The following NCKAP5 variants were observed in gnomAD, a reference collection of about 807,000 sequenced individuals.
NCKAP5 encodes the protein NCK associated protein 5.
NCKAP5 carries 92 observed loss-of-function variants against 167.0 expected under a neutral mutation model. That is an observed-to-expected ratio of 0.55 (90% CI 0.47 to 0.66). NCKAP5 has a LOEUF of 0.66. Among genes scored for constraint, NCKAP5 ranks in the 30% least tolerant of loss-of-function variants. The probability of loss-of-function intolerance (pLI) is 0.00; values close to 1 mark genes in which losing one functional copy is unlikely to be tolerated. For missense variants in NCKAP5, 2,378 were observed against 2,315.0 expected (o/e 1.03, Z -0.56); for synonymous variants, 891 against 877.4 (o/e 1.02, Z -0.27).
intron 8 of NCKAP5, among the ~76,000 whole-genome samples, chr2:132,881,558 T>C (rs1435712994): frequency 2.0e-5 from 3 of 149,532 alleles, no homozygotes; most frequent in Non-Finnish European, 4.5e-5. Context: ...ACCTTTCTTT[T>C]TTTTTTTTTT....
chr2:133,411,273 G>A lies in NCKAP5; in HGVS notation c.69+106185C>T, dbSNP rs146696991. On this transcript the variant is annotated intron_variant, in intron 3 of 19. Coordinates refer to ENST00000409261, the MANE Select transcript of NCKAP5 (RefSeq NM_207363.3). ...CATGTCCTCTTCTGCAGAGAGTCAT[G>A]TGTATGGGTGTGGGACAGAGAAACA... Among the ~76,000 whole-genome samples the A allele has an allele frequency of 4.8e-3, 727 of 152,336 alleles. 4 individuals are homozygous for A. Among genetic ancestry groups the A allele is most frequent in the Middle Eastern group, 0.017 (5 of 294 alleles).
Position 132,994,103 on chromosome 2 carries a change from GA to G in NCKAP5, c.429+48del, listed in dbSNP as rs538636211. On this transcript the variant is annotated intron_variant, in intron 7 of 19. Transcript: ENST00000409261. ...AGAGGACAAACCTAGAGAAATACAA[GA>G]AAAACAAGCAGACCAGTACCCAGCC... 3.1e-4 allele frequency: 422 copies of G among 1,356,972 alleles called. 5 individuals are homozygous for G. In the African/African-American group the frequency reaches 4.8e-3, roughly 15 times the overall value. 84.1% of individuals were successfully genotyped at this position (1,356,972 alleles called of 1,614,324 possible).
chr2:133,627,126 A>T, the NCKAP5 span, among the ~76,000 whole-genome samples: 4 of 152,092 alleles, frequency 2.6e-5, no homozygotes, highest in African/African-American at 9.6e-5. Context: ...ATGTATCTTT[A>T]AAAACAAAAA....
chr2:132,922,355 A>G (rs1447099392), intron 8 of NCKAP5, among the ~76,000 whole-genome samples: 12 of 152,222 alleles, frequency 7.9e-5, no homozygotes. Flanking sequence ...AGAAAAGTTA[A>G]GAGCCAGGCT....
At chr2:133,238,680 T>A (rs59599317) in intron 4 of NCKAP5, among the ~76,000 whole-genome samples, 3,985 of 152,328 alleles carry the variant, frequency 0.026, 161 homozygotes, top group African/African-American at 0.086. Flanking sequence ...TATTTATAAA[T>A]GAAAGGGCTC....
chr2:133,177,183 T>TATATATATATATATATAC (rs3051216), intron 5 of NCKAP5, among the ~76,000 whole-genome samples: 43 of 142,676 alleles, frequency 3.0e-4, no homozygotes, highest in Middle Eastern at 3.5e-3. Context: ...TATATATATA[T>TATATATATATATATATAC]ATATACTCAA....
chr2:132,962,119 C>T (rs1358335042), intron 8 of NCKAP5, among the ~76,000 whole-genome samples: 3 of 152,152 alleles, frequency 2.0e-5, no homozygotes, highest in Non-Finnish European at 2.9e-5. Flanking sequence ...TACCTGTCTG[C>T]CTTCGGTCAC....
chr2:133,593,512 C>G, the NCKAP5 span, among the ~76,000 whole-genome samples: 1 of 152,016 alleles, frequency 6.6e-6, no homozygotes, highest in African/African-American at 2.4e-5. Context: ...AAAATGAATA[C>G]TTAAAATTTT....
At position 133,464,517 on chromosome 2, in the gene NCKAP5, GTC is replaced by G. The variant is rs536948534; in HGVS notation, c.69+52939_69+52940del. Among the ~76,000 whole-genome samples the G allele has an allele frequency of 5.9e-4, 90 of 152,218 alleles. No individual in the cohort carries two copies. In the East Asian group the frequency reaches 9.5e-3, roughly 16 times the overall value. ...ATCCCGGCTAACACGGTGAAACCCA[GTC>G]TCTACTAAAAATACAAAAAAATTAG... On this transcript the variant is annotated intron_variant, in intron 3 of 19. Coordinates refer to ENST00000409261, the MANE Select transcript of NCKAP5 (RefSeq NM_207363.3).
chr2:133,132,224 T>C (rs1438865053), intron 5 of NCKAP5, among the ~76,000 whole-genome samples: 8 of 148,856 alleles, frequency 5.4e-5, no homozygotes, highest in South Asian at 2.2e-4. Context: ...GAGGCGGAGG[T>C]TGCAGTGAGC....
At chr2:132,760,444 G>C (rs1339798280) in intron 16 of NCKAP5, among the ~76,000 whole-genome samples, 1 of 152,048 alleles carries the variant, frequency 6.6e-6, no homozygotes, top group Non-Finnish European at 1.5e-5. Flanking sequence ...ATGTTTTCTG[G>C]TTTTCATTGT....
intron 6 of NCKAP5, among the ~76,000 whole-genome samples, chr2:133,094,140 T>C (rs949521733): frequency 5.9e-5 from 9 of 152,206 alleles, no homozygotes; most frequent in Admixed American, 6.5e-5. Flanking sequence ...TGTGTGGCTC[T>C]AAAGGCACCA....
At chr2:133,593,173 C>A in the NCKAP5 span, among the ~76,000 whole-genome samples, 1 of 152,180 alleles carries the variant, frequency 6.6e-6, no homozygotes, top group Non-Finnish European at 1.5e-5. Flanking sequence ...AGAACTACTT[C>A]TTTAAAATTT....
At chr2:133,496,734 T>C (rs1681982712) in intron 3 of NCKAP5, among the ~76,000 whole-genome samples, 1 of 152,312 alleles carries the variant, frequency 6.6e-6, no homozygotes, top group African/African-American at 2.4e-5. Context: ...GATGTATTTA[T>C]ATGCTCAAGC....
At chr2:133,171,135 G>C (rs779344542) in intron 5 of NCKAP5, among the ~76,000 whole-genome samples, 3 of 152,184 alleles carry the variant, frequency 2.0e-5, no homozygotes, top group East Asian at 1.9e-4. Flanking sequence ...GGAGCATTTT[G>C]AGGCAGGGTG....
chr2:133,290,748 TTG>T (rs1553609420), intron 4 of NCKAP5, among the ~76,000 whole-genome samples: 268 of 100,474 alleles, frequency 2.7e-3, no homozygotes, highest in African/African-American at 8.9e-3. Context: ...TTTTTTTTTT[TTG>T]TTGTTGTTGT....
intron 3 of NCKAP5, among the ~76,000 whole-genome samples, chr2:133,451,802 G>T (rs1313634020): frequency 6.6e-6 from 1 of 152,160 alleles, no homozygotes; most frequent in African/African-American, 2.4e-5. Context: ...CATCTATATG[G>T]CTTGCAAATG....
the NCKAP5 span, among the ~76,000 whole-genome samples, chr2:133,663,737 GCT>G: frequency 2.6e-5 from 4 of 152,080 alleles, no homozygotes; most frequent in Non-Finnish European, 5.9e-5. Flanking sequence ...CAGTTCTCTT[GCT>G]CTTTCTACCA....
chr2:132,995,984 A>AT (rs1214410002), intron 6 of NCKAP5, among the ~76,000 whole-genome samples: 1 of 152,048 alleles, frequency 6.6e-6, no homozygotes, highest in African/African-American at 2.4e-5. Flanking sequence ...CAAAAAAAAA[A>AT]TTTTTTTTAC....
Sources: allele counts gnomAD v4.1 joint callset (sites outside exome capture counted in the v4.1 genomes callset), GRCh38; gene constraint gnomAD v4.1.1; transcripts MANE v1.5; gene names NCBI Gene and HGNC (gene_info 2026-07-23, HGNC 2026-07-21).